The following FGGY variants were observed in gnomAD, a reference collection of about 807,000 sequenced individuals.
The protein encoded by FGGY is FGGY carbohydrate kinase domain-containing protein.
A neutral mutation model predicts 71.3 loss-of-function variants in FGGY; 72 were observed. That is an observed-to-expected ratio of 1.01 (90% CI 0.84 to 1.23). The LOEUF is 1.23. Ranked by LOEUF, FGGY falls within the 50% of genes most tolerant of loss-of-function variation. The pLI, the probability that FGGY is intolerant of heterozygous loss-of-function variation, is 0.00. For synonymous variants in FGGY, 251 were observed against 250.3 expected (o/e 1.00, Z -0.02); for missense variants, 668 against 682.3 (o/e 0.98, Z 0.23).
intron 14 of FGGY, among the ~76,000 whole-genome samples, chr1:59,738,592 G>A (rs1316524101): frequency 5.9e-5 from 9 of 152,194 alleles, no homozygotes; most frequent in African/African-American, 2.2e-4. Context: ...TAGGAAAACC[G>A]CTGCTATCTT....
intron 6 of FGGY, among the ~76,000 whole-genome samples, chr1:59,469,853 G>A (rs1170880259): frequency 6.6e-6 from 1 of 152,094 alleles, no homozygotes; most frequent in Non-Finnish European, 1.5e-5. Context: ...TGTGATATTT[G>A]GTTTTCTGTT....
intron 6 of FGGY, among the ~76,000 whole-genome samples, chr1:59,461,303 G>A (rs1047924163): frequency 6.6e-6 from 1 of 152,138 alleles, no homozygotes; most frequent in African/African-American, 2.4e-5. Flanking sequence ...ATTCAATCAA[G>A]TGGAAGAAAG....
intron 14 of FGGY, among the ~76,000 whole-genome samples, chr1:59,690,793 G>A (rs1318528178): frequency 6.6e-6 from 1 of 152,212 alleles, no homozygotes. Context: ...GCACTGCTGG[G>A]GATGGACTTA....
At chr1:59,526,165 T>C (rs2094972731) in intron 7 of FGGY, among the ~76,000 whole-genome samples, 1 of 152,210 alleles carries the variant, frequency 6.6e-6, no homozygotes, top group Non-Finnish European at 1.5e-5. Flanking sequence ...TGTGTATATG[T>C]GAGTGGATAT....
At chr1:59,607,284 A>T (rs564880914) in intron 8 of FGGY, among the ~76,000 whole-genome samples, 145 of 152,344 alleles carry the variant, frequency 9.5e-4, no homozygotes, top group Middle Eastern at 6.8e-3. Context: ...GCAGCCTTGT[A>T]GGGCATGGTC....
At chr1:59,623,352 T>A (rs1236270330) in intron 9 of FGGY, among the ~76,000 whole-genome samples, 3 of 152,196 alleles carry the variant, frequency 2.0e-5, no homozygotes, top group African/African-American at 7.2e-5. Flanking sequence ...TATTCATCCT[T>A]ATTTTCACCA....
chr1:59,691,829 C>A (rs1261298250), intron 14 of FGGY, among the ~76,000 whole-genome samples: 4 of 152,158 alleles, frequency 2.6e-5, no homozygotes, highest in South Asian at 2.1e-4. Context: ...TTGTAAAAAA[C>A]CCCTTTTGGA....
At chr1:59,727,427 T>C (rs775694907) in intron 14 of FGGY, among the ~76,000 whole-genome samples, 40 of 152,162 alleles carry the variant, frequency 2.6e-4, no homozygotes, top group Non-Finnish European at 5.4e-4. Flanking sequence ...ATTGTTACAT[T>C]GAATGGTAGC....
chr1:59,651,808 G>T (rs1232440037), intron 11 of FGGY, among the ~76,000 whole-genome samples: 1 of 150,320 alleles, frequency 6.7e-6, no homozygotes, highest in South Asian at 2.1e-4. Flanking sequence ...ATGTTAGCTG[G>T]TGATTTTGCT....
chr1:59,491,650 C>G (rs1423239894), intron 6 of FGGY, among the ~76,000 whole-genome samples: 1 of 150,884 alleles, frequency 6.6e-6, no homozygotes, highest in Non-Finnish European at 1.5e-5. Flanking sequence ...ATGTCATCTA[C>G]AAACAGGGAT....
intron 6 of FGGY, among the ~76,000 whole-genome samples, chr1:59,464,453 G>T (rs1389895866): frequency 2.0e-5 from 3 of 152,168 alleles, no homozygotes; most frequent in Non-Finnish European, 4.4e-5. Context: ...ACAATTAAAA[G>T]AACTAGAGAA....
At chr1:59,546,522 TGA>T (rs1558303107) in intron 7 of FGGY, among the ~76,000 whole-genome samples, 6,560 of 138,034 alleles carry the variant, frequency 0.048, 252 homozygotes, top group African/African-American at 0.12. Flanking sequence ...ATGATGATGA[TGA>T]TGATGATGAT....
chr1:59,619,476 A>G (rs2096788192), intron 9 of FGGY, among the ~76,000 whole-genome samples: 1 of 152,106 alleles, frequency 6.6e-6, no homozygotes, highest in Non-Finnish European at 1.5e-5. Flanking sequence ...AGTTGAACAA[A>G]GAATGAGGAA....
intron 11 of FGGY, among the ~76,000 whole-genome samples, chr1:59,642,835 T>A (rs1322222319): frequency 2.0e-5 from 3 of 151,320 alleles, no homozygotes; most frequent in African/African-American, 7.3e-5. Context: ...ATCGAGACCA[T>A]CCTGGCTAAC....
At chr1:59,600,543 C>T (rs944234969) in intron 8 of FGGY, among the ~76,000 whole-genome samples, 6 of 152,158 alleles carry the variant, frequency 3.9e-5, no homozygotes, top group Admixed American at 1.3e-4. Context: ...ACCAAAGAGA[C>T]GAAGCTAATA....
At chr1:59,700,679 T>C (rs547928446) in intron 14 of FGGY, among the ~76,000 whole-genome samples, 6 of 152,282 alleles carry the variant, frequency 3.9e-5, no homozygotes, top group Non-Finnish European at 7.3e-5. Flanking sequence ...CCTGCCCTCA[T>C]AGAACTTACA....
At chr1:59,335,284 T>A (rs1368327819) in intron 2 of FGGY, among the ~76,000 whole-genome samples, 3 of 152,196 alleles carry the variant, frequency 2.0e-5, no homozygotes, top group Non-Finnish European at 4.4e-5. Context: ...TTTAGAAATT[T>A]TATATAAATA....
At chr1:59,607,980 A>T in intron 9 of FGGY, 70 bp downstream of exon 9, 39 of 1,227,222 alleles carry the variant, frequency 3.2e-5, no homozygotes, top group Non-Finnish European at 4.5e-5. Flanking sequence ...TTGTCACATG[A>T]CCCATATACC....
chr1:59,534,061 G>A (rs555971196), intron 7 of FGGY, among the ~76,000 whole-genome samples: 17 of 152,270 alleles, frequency 1.1e-4, no homozygotes, highest in Admixed American at 1.0e-3. Flanking sequence ...CAAACCAAAG[G>A]CAAAGAAGTT....
Sources: allele counts gnomAD v4.1 joint callset (sites outside exome capture counted in the v4.1 genomes callset), GRCh38; gene constraint gnomAD v4.1.1; transcripts MANE v1.5; gene names NCBI Gene and HGNC (gene_info 2026-07-23, HGNC 2026-07-21).